Variants in MAN1C1 observed in about 807,000 individuals in gnomAD.
MAN1C1 encodes the protein mannosyl-oligosaccharide 1,2-alpha-mannosidase IC.
A neutral mutation model predicts 71.5 loss-of-function variants in MAN1C1; 49 were observed. The ratio of observed to expected loss-of-function variants is 0.69; its 90% confidence interval spans 0.54 to 0.87. The LOEUF is 0.87. Among genes scored for constraint, MAN1C1 ranks in the 40% least tolerant of loss-of-function variants. The pLI is 0.00. For synonymous variants in MAN1C1, 352 were observed against 343.7 expected (o/e 1.02, Z -0.27); for missense variants, 743 against 835.0 (o/e 0.89, Z 1.36).
At chr1:25,762,722 C>T (rs1420599758) in intron 6 of MAN1C1, among the ~76,000 whole-genome samples, 2 of 152,170 alleles carry the variant, frequency 1.3e-5, no homozygotes, top group African/African-American at 4.8e-5. Context: ...GCCACCATGC[C>T]TGGCTATACC....
At chr1:25,672,546 T>A (rs753287390) in intron 1 of MAN1C1, among the ~76,000 whole-genome samples, 2 of 152,196 alleles carry the variant, frequency 1.3e-5, no homozygotes, top group Non-Finnish European at 2.9e-5. Context: ...TGGTGGAGTC[T>A]TTTTCACATC....
At chr1:25,673,064 G>A (rs1322940636) in intron 1 of MAN1C1, among the ~76,000 whole-genome samples, 1 of 152,164 alleles carries the variant, frequency 6.6e-6, no homozygotes, top group Non-Finnish European at 1.5e-5. Flanking sequence ...AGGGGGAAAG[G>A]AGGTGAGTCA....
At chr1:25,625,077 C>T (rs1175554298) in intron 1 of MAN1C1, among the ~76,000 whole-genome samples, 2 of 142,750 alleles carry the variant, frequency 1.4e-5, no homozygotes, top group East Asian at 4.0e-4. Context: ...ACAATCTCTG[C>T]ACACAGCAAC....
Position 25,746,674 on chromosome 1 carries a change from T to G in MAN1C1, c.644T>G (p.Leu215Arg). ...DGYEGNMFGG[L>R]SGATVIDSLD... ...CAATGCTCTGTGCCTGCAGGAGGCC[T>G]CAGCGGGGCAACAGTCATTGACTCC... The change falls in exon 3 of 12, where the codon CTC (leucine) becomes CGC (arginine). Residue 215 changes from leucine to arginine, a missense_variant. Transcript: ENST00000374332. This position sits in a 1 kb window ranked among gnomAD's most constrained non-coding sequence, Gnocchi z 4.0. 1 of 1,613,490 alleles carries G rather than the reference T, an allele frequency of 6.2e-7. No homozygotes were observed.
rs566259835 is a variant in MAN1C1 at position 25,764,476 on chromosome 1, G to A, written c.1141+509G>A. ...CACCCAGGCCGGAGTGCAGTGGCAC[G>A]ATCTCGGCTCACTGCAACCTCTGCC... On this transcript the variant is annotated intron_variant, in intron 7 of 11. Transcript: ENST00000374332. This position sits in a 1 kb window ranked among gnomAD's most constrained non-coding sequence, Gnocchi z 4.4. Among the ~76,000 whole-genome samples, 25 of 151,986 alleles carry A rather than the reference G, an allele frequency of 1.6e-4. No individual in the cohort carries two copies. In the South Asian group the frequency reaches 3.7e-3, roughly 23 times the overall value.
chr1:25,631,649 G>C lies in MAN1C1; in HGVS notation c.540+13312G>C, dbSNP rs750685724. On this transcript the variant is annotated intron_variant, in intron 1 of 11. Coordinates refer to ENST00000374332, the MANE Select transcript of MAN1C1 (RefSeq NM_020379.4). This position sits in a 1 kb window ranked among gnomAD's most constrained non-coding sequence, Gnocchi z 4.2. ...ATGTGCTGTTGGATTTTGTTAGCTT[G>C]TATTTTGCTGAGGATTTTTGCATCT... Among the ~76,000 whole-genome samples the C allele has an allele frequency of 6.6e-6, 1 of 152,120 alleles. No individual in the cohort carries two copies. Among genetic ancestry groups the C allele is most frequent in the African/African-American group, 2.4e-5 (1 of 41,430 alleles).
At chr1:25,629,639 T>G (rs1454646931) in intron 1 of MAN1C1, among the ~76,000 whole-genome samples, 1 of 152,156 alleles carries the variant, frequency 6.6e-6, no homozygotes, top group African/African-American at 2.4e-5. Context: ...CAGGCTGGTC[T>G]CGAACTCCCT....
chr1:25,765,671 TC>T (rs1161572833), intron 7 of MAN1C1, among the ~76,000 whole-genome samples: 1 of 152,154 alleles, frequency 6.6e-6, no homozygotes, highest in Non-Finnish European at 1.5e-5. Context: ...AGATTTCACT[TC>T]CATCTGCCAA....
At chr1:25,625,740 G>A (rs897468599) in intron 1 of MAN1C1, among the ~76,000 whole-genome samples, 12 of 152,256 alleles carry the variant, frequency 7.9e-5, no homozygotes, top group South Asian at 2.1e-4. Context: ...TGGATTCATT[G>A]AGCCCAGGAG....
chr1:25,649,881 G>A lies in MAN1C1; in HGVS notation c.540+31544G>A, dbSNP rs144247977. Among the ~76,000 whole-genome samples the A allele has an allele frequency of 4.7e-4, 72 of 152,286 alleles. 1 individual carries two copies. Among genetic ancestry groups the A allele is most frequent in the African/African-American group, 1.5e-3 (62 of 41,550 alleles). On this transcript the variant is annotated intron_variant, in intron 1 of 11. Transcript: ENST00000374332. ...TGGAACTCCTGGCCTCAAGTGATCCGTCTGTCTCAGCCTCCCAAAAGTGCT... is the reference window on the plus strand; with the variant it reads ...TGGAACTCCTGGCCTCAAGTGATCCATCTGTCTCAGCCTCCCAAAAGTGCT...
intron 1 of MAN1C1, among the ~76,000 whole-genome samples, chr1:25,665,905 G>A (rs890896215): frequency 1.4e-5 from 2 of 145,368 alleles, no homozygotes; most frequent in African/African-American, 5.3e-5. Flanking sequence ...CCAGCCATGG[G>A]GAGAGGTCAT....
chr1:25,774,657 A>G (rs950546571), intron 8 of MAN1C1, among the ~76,000 whole-genome samples: 3 of 152,156 alleles, frequency 2.0e-5, no homozygotes, highest in African/African-American at 4.8e-5. Flanking sequence ...CATTTTATAG[A>G]TGAGCAAAGT....
intron 1 of MAN1C1, among the ~76,000 whole-genome samples, chr1:25,676,238 G>C (rs1313488998): frequency 6.6e-6 from 1 of 152,156 alleles, no homozygotes; most frequent in Non-Finnish European, 1.5e-5. Flanking sequence ...AGGTGGGTGG[G>C]AGTTGTATCA....
At chr1:25,780,875 C>T (rs534513023) in intron 9 of MAN1C1, 65 bp from the exon 10 acceptor site, 6 of 1,558,488 alleles carry the variant, frequency 3.8e-6, no homozygotes, top group Admixed American at 1.7e-5. Flanking sequence ...TGACATCTCT[C>T]CTGGATCCCG....
intron 4 of MAN1C1, 149 bp downstream of exon 4, chr1:25,749,484 C>G: frequency 1.7e-6 from 1 of 587,666 alleles, no homozygotes; most frequent in South Asian, 2.5e-5. Flanking sequence ...CCCTGAGGGC[C>G]TGTTTTCCCT....
chr1:25,755,748 C>G (rs1019641762), intron 5 of MAN1C1, among the ~76,000 whole-genome samples: 1 of 152,184 alleles, frequency 6.6e-6, no homozygotes, highest in African/African-American at 2.4e-5. Flanking sequence ...TTACACCATA[C>G]TCATGAGTGT....
At chr1:25,650,496 G>C in intron 1 of MAN1C1, among the ~76,000 whole-genome samples, 1 of 152,180 alleles carries the variant, frequency 6.6e-6, no homozygotes, top group East Asian at 1.9e-4. Flanking sequence ...TTGTTCTGAG[G>C]TTATTTGGGG....
rs138796994 is a variant in MAN1C1, at chr1:25,689,888, G to A, written c.637+3352G>A. The stretch of plus-strand genomic sequence containing the variant: ...CTTGGACACTGGCTCTTACGGCCTC[G>A]TCCCTGGCCTGCAGGGCTGGCAGGG... On this transcript the variant is annotated intron_variant, in intron 2 of 11. Transcript: ENST00000374332. Among the ~76,000 whole-genome samples the A allele has an allele frequency of 1.4e-3, 209 of 152,246 alleles. 1 individual carries two copies. The highest frequency in any genetic ancestry group is 4.7e-3 in the African/African-American group (195 of 41,552).
intron 1 of MAN1C1, among the ~76,000 whole-genome samples, chr1:25,680,986 C>T (rs114279816): frequency 0.022 from 3,352 of 151,900 alleles, 134 homozygotes; most frequent in African/African-American, 0.076. Context: ...CTTTGGGAAG[C>T]GAGGCGTGCA....
Sources: allele counts gnomAD v4.1 joint callset (sites outside exome capture counted in the v4.1 genomes callset), GRCh38; gene constraint gnomAD v4.1.1; non-coding constraint Gnocchi (gnomAD v3.1); transcripts MANE v1.5; gene names NCBI Gene and HGNC (gene_info 2026-07-23, HGNC 2026-07-21).